Variants in CNTN1 observed in about 807,000 individuals in gnomAD.
The protein encoded by CNTN1 is contactin 1.
In CNTN1, 38 loss-of-function variants were observed where a neutral mutation model predicts 126.4. That is an observed-to-expected ratio of 0.30 (90% CI 0.23 to 0.39). CNTN1 has a LOEUF of 0.39. Ranked by LOEUF, CNTN1 falls within the 10% of genes least tolerant of loss-of-function variation. The pLI is 1.00. For missense variants in CNTN1, 1,009 were observed against 1,248.4 expected (o/e 0.81, Z 2.89); for synonymous variants, 413 against 422.6 (o/e 0.98, Z 0.28).
At chr12:40,902,383 TC>T (rs1944639831) in intron 1 of CNTN1, among the ~76,000 whole-genome samples, 1 of 152,168 alleles carries the variant, frequency 6.6e-6, no homozygotes, top group African/African-American at 2.4e-5. Context: ...GATATTGGTG[TC>T]TTTTTGTCTG....
chr12:40,761,371 GTTC>G (rs1376597290), intron 1 of CNTN1, among the ~76,000 whole-genome samples: 1 of 151,988 alleles, frequency 6.6e-6, no homozygotes, highest in Non-Finnish European at 1.5e-5. Context: ...AATAAGATTT[GTTC>G]TTCTACCAAT....
chr12:40,696,830 C>G (rs919283050), intron 1 of CNTN1, among the ~76,000 whole-genome samples: 6 of 152,108 alleles, frequency 3.9e-5, no homozygotes, highest in Non-Finnish European at 7.4e-5. Context: ...AAAAATCCAC[C>G]AAATTCCGCA....
intron 1 of CNTN1, among the ~76,000 whole-genome samples, chr12:40,841,938 C>T (rs1201593396): frequency 6.6e-6 from 1 of 151,902 alleles, no homozygotes; most frequent in African/African-American, 2.4e-5. Flanking sequence ...GACTTGATCA[C>T]TGTGCATTAT....
At chr12:40,953,325 G>A (rs1946754603) in intron 14 of CNTN1, among the ~76,000 whole-genome samples, 1 of 152,098 alleles carries the variant, frequency 6.6e-6, no homozygotes, top group Non-Finnish European at 1.5e-5. Flanking sequence ...TAAAAATACA[G>A]TGAGCATTTG....
At chr12:40,696,445 A>C (rs1052297776) in intron 1 of CNTN1, among the ~76,000 whole-genome samples, 2 of 152,240 alleles carry the variant, frequency 1.3e-5, no homozygotes, top group Non-Finnish European at 1.5e-5. Context: ...CCAGTAGGCA[A>C]GTTATCAAAA....
At chr12:40,708,315 C>T (rs1263069463) in intron 1 of CNTN1, among the ~76,000 whole-genome samples, 1 of 152,144 alleles carries the variant, frequency 6.6e-6, no homozygotes, top group African/African-American at 2.4e-5. Flanking sequence ...TATTTCAATG[C>T]TTATAAAAGT....
chr12:40,915,985 A>G (rs1256544690), intron 3 of CNTN1, among the ~76,000 whole-genome samples: 1 of 152,106 alleles, frequency 6.6e-6, no homozygotes, highest in South Asian at 2.1e-4. Context: ...ATCTCCTTAC[A>G]TGTATAGCCT....
chr12:40,936,670 A>G, intron 9 of CNTN1, 111 bp from the exon 10 acceptor site: 2 of 1,342,846 alleles, frequency 1.5e-6, no homozygotes, highest in Non-Finnish European at 2.1e-6. Flanking sequence ...TGCATACACT[A>G]TCTGATGTAT....
At chr12:40,721,657 C>T (rs768495033) in intron 1 of CNTN1, among the ~76,000 whole-genome samples, 6 of 143,972 alleles carry the variant, frequency 4.2e-5, no homozygotes, top group African/African-American at 1.5e-4. Context: ...CCCATTAACT[C>T]GTCATTTAGC....
chr12:40,860,806 A>G (rs922739189), intron 1 of CNTN1, among the ~76,000 whole-genome samples: 3 of 152,138 alleles, frequency 2.0e-5, no homozygotes, highest in Non-Finnish European at 4.4e-5. Context: ...TTACTTACAC[A>G]TGATTCATTG....
At chr12:40,917,230 A>G (rs1945278242) in intron 3 of CNTN1, among the ~76,000 whole-genome samples, 1 of 152,100 alleles carries the variant, frequency 6.6e-6, no homozygotes, top group South Asian at 2.1e-4. Flanking sequence ...GCTTATATAC[A>G]TAAGAAACAT....
At chr12:40,721,561 A>ATTG (rs1942213762) in intron 1 of CNTN1, among the ~76,000 whole-genome samples, 1 of 151,416 alleles carries the variant, frequency 6.6e-6, no homozygotes, top group Admixed American at 6.6e-5. Context: ...TATTATTATT[A>ATTG]TTATTATACT....
chr12:41,033,066 G>A (rs1057463022), intron 23 of CNTN1, among the ~76,000 whole-genome samples: 4 of 152,182 alleles, frequency 2.6e-5, no homozygotes, highest in East Asian at 1.9e-4. Context: ...GTGCTGATCC[G>A]CAAATTTGAT....
intron 23 of CNTN1, among the ~76,000 whole-genome samples, chr12:41,069,743 C>T (rs192273189): frequency 6.6e-6 from 1 of 152,210 alleles, no homozygotes; most frequent in Non-Finnish European, 1.5e-5. Context: ...AATGATTAAT[C>T]ATGTTGTGTA....
intron 1 of CNTN1, among the ~76,000 whole-genome samples, chr12:40,861,450 G>A (rs1328848178): frequency 2.6e-5 from 4 of 151,920 alleles, no homozygotes; most frequent in African/African-American, 9.7e-5. Flanking sequence ...GTTTTTTAAT[G>A]GAATCTTGTT....
chr12:40,955,745 G>A (rs577042423), intron 14 of CNTN1, among the ~76,000 whole-genome samples: 4 of 152,160 alleles, frequency 2.6e-5, no homozygotes, highest in East Asian at 1.9e-4. Flanking sequence ...ACAGTGACAC[G>A]ATTACGGTAG....
intron 23 of CNTN1, among the ~76,000 whole-genome samples, chr12:41,041,670 C>T (rs1308316047): frequency 6.6e-6 from 1 of 151,970 alleles, no homozygotes; most frequent in Non-Finnish European, 1.5e-5. Context: ...AGGAATTTAT[C>T]CATTTCTTCT....
intron 17 of CNTN1, among the ~76,000 whole-genome samples, chr12:41,001,745 T>C (rs897953912): frequency 6.6e-6 from 1 of 152,204 alleles, no homozygotes; most frequent in African/African-American, 2.4e-5. Context: ...TCCAGGGTTT[T>C]TATAGTTTGA....
chr12:40,940,204 G>A (rs1418075945), intron 12 of CNTN1, among the ~76,000 whole-genome samples: 1 of 151,974 alleles, frequency 6.6e-6, no homozygotes, highest in Non-Finnish European at 1.5e-5. Context: ...GTATGTGAGG[G>A]TGTATGTGAA....
Sources: gnomAD v4.1 joint callset for allele counts (sites outside exome capture counted in the v4.1 genomes callset) on GRCh38, gnomAD v4.1.1 for gene constraint, MANE v1.5 for transcripts, NCBI Gene and HGNC (gene_info 2026-07-23, HGNC 2026-07-21) for gene names.